The following SNRNP40 variants were observed in gnomAD, a reference collection of about 807,000 sequenced individuals.
SNRNP40 encodes U5 small nuclear ribonucleoprotein 40 kDa protein.
SNRNP40 carries 21 observed loss-of-function variants against 45.8 expected under a neutral mutation model. That is an observed-to-expected ratio of 0.46 (90% CI 0.32 to 0.66). The LOEUF (loss-of-function observed/expected upper bound fraction) is 0.66. SNRNP40 is among the 30% of genes least tolerant of loss of function. The pLI is 0.03. For synonymous variants in SNRNP40, 142 were observed against 163.8 expected, an observed-to-expected ratio of 0.87 and a Z score of 1.01; for missense variants, 344 against 439.1, an observed-to-expected ratio of 0.78 and a Z score of 1.94.
At chr1:31,293,173 C>G (rs2148392248) in intron 2 of SNRNP40, 46 bp downstream of exon 2, 1 of 1,607,660 alleles carries the variant, frequency 6.2e-7, no homozygotes, top group East Asian at 2.2e-5. Flanking sequence ...AAAAAAATCA[C>G]TATCTGGCAG....
At chr1:31,280,113 C>CAAAAAAA (rs577919252) in intron 5 of SNRNP40, among the ~76,000 whole-genome samples, 1 of 67,630 alleles carries the variant, frequency 1.5e-5, no homozygotes, top group Non-Finnish European at 2.6e-5. Flanking sequence ...GACTCTGACT[C>CAAAAAAA]AAAAAAAAAA....
chr1:31,267,543 T>A (rs1233048937), intron 8 of SNRNP40, among the ~76,000 whole-genome samples: 1 of 152,196 alleles, frequency 6.6e-6, no homozygotes, highest in African/African-American at 2.4e-5. Context: ...TCATTGTTTT[T>A]TTTTTGGAGA....
Position 31,293,296 on chromosome 1 carries a change from T to C in SNRNP40, c.194A>G (p.His65Arg). The C allele has an allele frequency of 6.2e-7, 1 of 1,613,958 alleles. No homozygotes were observed. The highest frequency in any genetic ancestry group is 8.5e-7 in the Non-Finnish European group (1 of 1,179,974). Residue 65 changes from histidine to arginine, a missense_variant, in exon 2 of 10, where the codon CAT becomes CGT. Around this residue, in one of 2 missense-constraint regions of SNRNP40, gnomAD observed 254 missense variants for 380.2 expected, o/e 0.67. Transcript: ENST00000263694. ...LQAPIMLLSGHEGEVYCCKFH... is the reference protein window; with the variant it reads ...LQAPIMLLSGREGEVYCCKFH... Reference sequence around the variant, plus strand: ...CTTGCAGCAGTAGACTTCCCCTTCATGTCCAGAGAGCAGCATGATTGGGGC... The same window carrying C: ...CTTGCAGCAGTAGACTTCCCCTTCACGTCCAGAGAGCAGCATGATTGGGGC...
At chr1:31,271,537 A>G in intron 5 of SNRNP40, 38 bp from the exon 6 acceptor site, 1 of 1,585,974 alleles carries the variant, frequency 6.3e-7, no homozygotes, top group Non-Finnish European at 8.5e-7. Flanking sequence ...AATCAAATTA[A>G]TAAAAGCAGA....
intron 4 of SNRNP40, among the ~76,000 whole-genome samples, chr1:31,284,202 G>A (rs866507903): frequency 1.6e-4 from 24 of 152,354 alleles, no homozygotes; most frequent in African/African-American, 5.5e-4. Context: ...CAGCCTGGGT[G>A]AGAGTGGCGG....
rs576102619 is a variant in SNRNP40, at chr1:31,295,147, T to G, written c.141+1464A>C. 2.7e-3 allele frequency among the ~76,000 whole-genome samples: 418 copies of G among 152,192 alleles called. 5 individuals are homozygous for G. The highest frequency in any genetic ancestry group is 9.5e-3 in the African/African-American group (396 of 41,528). ...GCTCATGCCTGTAATCTCAGCATTT[T>G]GGGAGGCCAAGGTGTGCGGATTGCT... On this transcript the variant is annotated intron_variant, in intron 1 of 9. Coordinates refer to ENST00000263694, the MANE Select transcript of SNRNP40 (RefSeq NM_004814.3).
At chr1:31,281,762 C>G (rs866140147) in intron 4 of SNRNP40, 2 of 270,364 alleles carry the variant, frequency 7.4e-6, no homozygotes, top group Admixed American at 4.7e-5. Flanking sequence ...TCAACATACT[C>G]TTAGAATGGA....
At chr1:31,294,830 C>G (rs1237997587) in intron 1 of SNRNP40, among the ~76,000 whole-genome samples, 1 of 151,078 alleles carries the variant, frequency 6.6e-6, no homozygotes, top group Non-Finnish European at 1.5e-5. Flanking sequence ...TAATTCCAGC[C>G]ACTCAGGAGG....
intron 8 of SNRNP40, among the ~76,000 whole-genome samples, chr1:31,262,598 A>AC (rs1645867136): frequency 6.6e-6 from 1 of 151,150 alleles, no homozygotes; most frequent in Non-Finnish European, 1.5e-5. Flanking sequence ...AGATAAGAAA[A>AC]CTGGGGCACA....
intron 5 of SNRNP40, 45 bp downstream of exon 5, chr1:31,281,329 G>A (rs371833176): frequency 7.9e-6 from 12 of 1,516,976 alleles, no homozygotes; most frequent in Non-Finnish European, 9.9e-6. Context: ...TCGTTTCTAA[G>A]TGCAGATAGA....
intron 1 of SNRNP40, 28 bp from the exon 2 acceptor site, chr1:31,293,376 T>C (rs1272131903): frequency 6.3e-7 from 1 of 1,577,038 alleles, no homozygotes; most frequent in Non-Finnish European, 8.6e-7. Context: ...ACAAGGTAAC[T>C]ACTGCATACA....
chr1:31,265,125 AT>A (rs1195594272), intron 8 of SNRNP40, among the ~76,000 whole-genome samples: 1 of 104,064 alleles, frequency 9.6e-6, no homozygotes, highest in Non-Finnish European at 2.4e-5. Flanking sequence ...TTCACATGTG[AT>A]TTTGTTTTTT....
intron 8 of SNRNP40, among the ~76,000 whole-genome samples, chr1:31,265,490 G>A (rs889435853): frequency 1.3e-5 from 2 of 151,952 alleles, no homozygotes; most frequent in Non-Finnish European, 2.9e-5. Flanking sequence ...TTCAGAAAGG[G>A]CCAATGCCAG....
chr1:31,288,258 T>A (rs1646076264), intron 4 of SNRNP40, among the ~76,000 whole-genome samples: 1 of 152,096 alleles, frequency 6.6e-6, no homozygotes. Flanking sequence ...TTGAAGTCCC[T>A]CACTGTTTAA....
chr1:31,294,470 A>ATTTAT (rs1646127900), intron 1 of SNRNP40, among the ~76,000 whole-genome samples: 1 of 149,910 alleles, frequency 6.7e-6, no homozygotes, highest in Non-Finnish European at 1.5e-5. Flanking sequence ...TTATTTATTT[A>ATTTAT]TTTTTTGGGG....
intron 8 of SNRNP40, among the ~76,000 whole-genome samples, chr1:31,263,840 T>C (rs1051399198): frequency 1.6e-4 from 23 of 148,380 alleles, no homozygotes; most frequent in African/African-American, 5.8e-4. Flanking sequence ...ACTACAGAGC[T>C]GAACCCAAGA....
intron 2 of SNRNP40, among the ~76,000 whole-genome samples, chr1:31,292,213 AT>A (rs1423680569): frequency 6.6e-6 from 1 of 152,126 alleles, no homozygotes; most frequent in African/African-American, 2.4e-5. Flanking sequence ...AAATAAAAAA[AT>A]CAGCCAGGTG....
intron 4 of SNRNP40, among the ~76,000 whole-genome samples, chr1:31,286,823 G>C (rs1569667502): frequency 6.6e-6 from 1 of 152,142 alleles, no homozygotes; most frequent in Non-Finnish European, 1.5e-5. Context: ...CTTGTGCTCT[G>C]ACACTCTACT....
At chr1:31,268,557 C>T (rs1645915188) in intron 7 of SNRNP40, among the ~76,000 whole-genome samples, 1 of 152,002 alleles carries the variant, frequency 6.6e-6, no homozygotes, top group South Asian at 2.1e-4. Context: ...TGTGAGCCAC[C>T]ATGCCAGGTC....
Sources: gnomAD v4.1 joint callset for allele counts (sites outside exome capture counted in the v4.1 genomes callset) on GRCh38, gnomAD v4.1.1 for gene constraint, gnomAD v4.1.1 regional missense constraint, MANE v1.5 for transcripts, NCBI Gene and HGNC (gene_info 2026-07-23, HGNC 2026-07-21) for gene names.